RSRC1: variants seen among roughly 807,000 people sequenced by gnomAD.
RSRC1 encodes arginine and serine rich coiled-coil 1, also known as serine/Arginine-related protein 53.
In RSRC1, 39 loss-of-function variants were observed where a neutral mutation model predicts 49.1. The ratio of observed to expected loss-of-function variants is 0.79; its 90% confidence interval spans 0.61 to 1.04. The LOEUF (loss-of-function observed/expected upper bound fraction) is 1.04. RSRC1 is among the 50% of genes least tolerant of loss of function. The probability of loss-of-function intolerance (pLI) is 0.00; values close to 1 mark genes in which losing one functional copy is unlikely to be tolerated. For synonymous variants in RSRC1, 143 were observed against 130.8 expected (o/e 1.09, Z -0.63); for missense variants, 388 against 402.4 (o/e 0.96, Z 0.31).
intron 3 of RSRC1, among the ~76,000 whole-genome samples, chr3:158,163,496 T>G (rs759850944): frequency 6.6e-6 from 1 of 152,206 alleles, no homozygotes; most frequent in Non-Finnish European, 1.5e-5. Context: ...GCAAAACTAC[T>G]GTTCTCATAG....
chr3:158,508,971 A>G (rs988457800), intron 7 of RSRC1, among the ~76,000 whole-genome samples: 3 of 152,114 alleles, frequency 2.0e-5, no homozygotes, highest in African/African-American at 7.2e-5. Flanking sequence ...TCTTGGTTGT[A>G]TTCTTTGAGA....
intron 5 of RSRC1, among the ~76,000 whole-genome samples, chr3:158,342,121 T>C (rs1202200170): frequency 6.6e-6 from 1 of 152,198 alleles, no homozygotes; most frequent in Non-Finnish European, 1.5e-5. Context: ...TTGCTTTGTC[T>C]CAGATGATAC....
At chr3:158,518,445 C>T in intron 7 of RSRC1, among the ~76,000 whole-genome samples, 1 of 134,602 alleles carries the variant, frequency 7.4e-6, no homozygotes. Context: ...CATTTTGGGT[C>T]ATAGATTTTC....
rs1178957889 is a variant in RSRC1 at position 158,142,438 on chromosome 3, T to A, written c.320+18447T>A. Among the ~76,000 whole-genome samples the A allele has an allele frequency of 3.3e-5, 5 of 152,306 alleles. No individual in the cohort carries two copies. The East Asian group carries it at 9.7e-4, about 29-fold the overall frequency. On this transcript the variant is annotated intron_variant, in intron 3 of 9. Transcript: ENST00000611884. ...GTTTATTTTTCGTACCAACGGTTAG[T>A]CCATTCTTGCATCACTTAAAAAGGA...
Position 158,321,354 on chromosome 3 carries a change from C to A in RSRC1, c.531+23279C>A, listed in dbSNP as rs189160345. 5.3e-3 allele frequency among the ~76,000 whole-genome samples: 805 copies of A among 151,298 alleles called. 6 individuals carry two copies. Among genetic ancestry groups the A allele is most frequent in the Non-Finnish European group, 9.3e-3 (629 of 67,844 alleles). On this transcript the variant is annotated intron_variant, in intron 5 of 9. Transcript: ENST00000611884. ...TGCCAGAATCTCTTCTCTCTCTTAT[C>A]TTTTTTCTCTTCTTAACTAACTAGA...
chr3:158,239,587 T>TG (rs1723450304), intron 4 of RSRC1, among the ~76,000 whole-genome samples: 1 of 81,648 alleles, frequency 1.2e-5, no homozygotes, highest in African/African-American at 4.7e-5. Flanking sequence ...GGTGGGGGGC[T>TG]GGGGGAGGGA....
At chr3:158,187,196 A>G (rs1347411114) in intron 3 of RSRC1, among the ~76,000 whole-genome samples, 1 of 151,944 alleles carries the variant, frequency 6.6e-6, no homozygotes, top group African/African-American at 2.4e-5. Context: ...CAAAACACCA[A>G]AGGAGATGAT....
chr3:158,229,344 GTA>G (rs749601592), intron 4 of RSRC1, among the ~76,000 whole-genome samples: 43 of 145,346 alleles, frequency 3.0e-4, no homozygotes, highest in Admixed American at 1.6e-3. Context: ...GTGTATGTAT[GTA>G]TATATATACA....
chr3:158,340,386 C>G (rs1167876713), intron 5 of RSRC1, among the ~76,000 whole-genome samples: 3 of 151,964 alleles, frequency 2.0e-5, no homozygotes, highest in Non-Finnish European at 4.4e-5. Flanking sequence ...ACTAAAAATA[C>G]AAAAATTAGC....
chr3:158,440,755 C>T (rs1480316176), intron 6 of RSRC1, among the ~76,000 whole-genome samples: 1 of 151,950 alleles, frequency 6.6e-6, no homozygotes, highest in Non-Finnish European at 1.5e-5. Flanking sequence ...ACCAACCTGA[C>T]GAACATGGTG....
chr3:158,346,645 T>C (rs943108570), intron 5 of RSRC1, among the ~76,000 whole-genome samples: 96 of 152,318 alleles, frequency 6.3e-4, no homozygotes, highest in African/African-American at 2.2e-3. Context: ...GGTTGGGATG[T>C]AGAGCAACTG....
intron 3 of RSRC1, among the ~76,000 whole-genome samples, chr3:158,129,288 C>CTTTTT (rs71144439): frequency 2.3e-3 from 164 of 71,062 alleles, no homozygotes; most frequent in African/African-American, 7.1e-3. Context: ...TTCTTTCTTT[C>CTTTTT]TTTTTTTTTT....
intron 6 of RSRC1, among the ~76,000 whole-genome samples, chr3:158,362,192 T>G (rs984204782): frequency 6.6e-6 from 1 of 152,004 alleles, no homozygotes; most frequent in Admixed American, 6.5e-5. Flanking sequence ...ATACAAAAAT[T>G]AGCCAGGCAT....
At chr3:158,395,098 TA>T (rs1733535001) in intron 6 of RSRC1, among the ~76,000 whole-genome samples, 1 of 152,126 alleles carries the variant, frequency 6.6e-6, no homozygotes, top group Non-Finnish European at 1.5e-5. Context: ...CCCTGTTCAA[TA>T]AATGGTGCTG....
chr3:158,510,825 T>C (rs938251338), intron 7 of RSRC1, among the ~76,000 whole-genome samples: 3 of 152,198 alleles, frequency 2.0e-5, no homozygotes, highest in Non-Finnish European at 2.9e-5. Flanking sequence ...ATTTTTCTTC[T>C]ATGAATAATT....
At chr3:158,379,240 G>T (rs527839419) in intron 6 of RSRC1, among the ~76,000 whole-genome samples, 1 of 120,128 alleles carries the variant, frequency 8.3e-6, no homozygotes, top group Non-Finnish European at 1.6e-5. Flanking sequence ...TCGCTCTGTC[G>T]CCCAGGCTGG....
At chr3:158,386,166 A>T (rs913805458) in intron 6 of RSRC1, among the ~76,000 whole-genome samples, 7 of 151,996 alleles carry the variant, frequency 4.6e-5, no homozygotes, top group South Asian at 2.1e-4. Context: ...TATATGCTTT[A>T]AAAAAAGGCA....
chr3:158,525,258 A>G (rs1265065983), intron 7 of RSRC1, among the ~76,000 whole-genome samples: 2 of 152,044 alleles, frequency 1.3e-5, no homozygotes, highest in South Asian at 2.1e-4. Context: ...AGATTTCAAC[A>G]GATCATTCAG....
At chr3:158,536,025 A>G (rs1435637) in intron 7 of RSRC1, among the ~76,000 whole-genome samples, 9,458 of 151,376 alleles carry the variant, frequency 0.062, 431 homozygotes, top group Middle Eastern at 0.1. Flanking sequence ...GCAACAAACA[A>G]TGTTGCTAAT....
Sources: allele counts gnomAD v4.1 joint callset (sites outside exome capture counted in the v4.1 genomes callset), GRCh38; gene constraint gnomAD v4.1.1; transcripts MANE v1.5; gene names NCBI Gene and HGNC (gene_info 2026-07-23, HGNC 2026-07-21).